CDH4: variants seen among roughly 807,000 people sequenced by gnomAD.
CDH4 encodes cadherin-4.
Under a neutral mutation model 86.0 loss-of-function variants are expected in CDH4, and 33 were observed. That is an observed-to-expected ratio of 0.38 (90% confidence interval 0.29 to 0.51). The LOEUF (loss-of-function observed/expected upper bound fraction) is 0.51, where lower values mean the gene tolerates loss of function less well. Ranked by LOEUF, CDH4 falls within the 20% of genes least tolerant of loss-of-function variation. The probability of loss-of-function intolerance (pLI) is 0.86; values close to 1 mark genes in which losing one functional copy is unlikely to be tolerated. For missense variants in CDH4, 1,114 were observed against 1,307.4 expected (o/e 0.85, Z 2.28); for synonymous variants, 555 against 549.4 (o/e 1.01, Z -0.14).
At chr20:61,487,698 C>T (rs1227239437) in intron 2 of CDH4, among the ~76,000 whole-genome samples, 1 of 152,190 alleles carries the variant, frequency 6.6e-6, no homozygotes, top group African/African-American at 2.4e-5. Context: ...AATTTTCCAG[C>T]TAGAAATCTA....
At chr20:61,771,039 T>C (rs901441853) in intron 3 of CDH4, among the ~76,000 whole-genome samples, 1 of 149,670 alleles carries the variant, frequency 6.7e-6, no homozygotes, top group Non-Finnish European at 1.5e-5. Flanking sequence ...AGACAGAGTT[T>C]CGCTCTTTTT....
At chr20:61,869,043 C>G (rs1364007052) in intron 6 of CDH4, among the ~76,000 whole-genome samples, 2 of 152,212 alleles carry the variant, frequency 1.3e-5, no homozygotes, top group Non-Finnish European at 1.5e-5. Flanking sequence ...TCAAGGAGCT[C>G]AACTTATTGA....
chr20:61,792,658 A>G (rs915216496), intron 4 of CDH4, among the ~76,000 whole-genome samples: 2 of 149,860 alleles, frequency 1.3e-5, no homozygotes. Flanking sequence ...GTGTGTGTGT[A>G]TTTTTTTTTG....
intron 2 of CDH4, among the ~76,000 whole-genome samples, chr20:61,330,332 C>G (rs1274160653): frequency 6.6e-6 from 1 of 152,142 alleles, no homozygotes; most frequent in Non-Finnish European, 1.5e-5. Context: ...ACACGCCCAC[C>G]AACAGTGTAA....
At chr20:61,423,751 C>T (rs1232190575) in intron 2 of CDH4, among the ~76,000 whole-genome samples, 2 of 152,124 alleles carry the variant, frequency 1.3e-5, no homozygotes, top group Admixed American at 6.5e-5. Context: ...TTCCTCAGGT[C>T]CTAATGAAAG....
intron 2 of CDH4, among the ~76,000 whole-genome samples, chr20:61,453,441 C>G (rs923942224): frequency 2.6e-5 from 4 of 152,150 alleles, no homozygotes; most frequent in African/African-American, 9.7e-5. Context: ...ACGGGACCCC[C>G]CTGAGCTTCT....
At chr20:61,936,306 C>T (rs1253041228) in intron 15 of CDH4, among the ~76,000 whole-genome samples, 2 of 100,280 alleles carry the variant, frequency 2.0e-5, no homozygotes, top group African/African-American at 8.1e-5. Context: ...CCCTATAAAC[C>T]CTCACAGCCC....
chr20:61,444,268 T>C (rs2085330765), intron 2 of CDH4, among the ~76,000 whole-genome samples: 1 of 151,098 alleles, frequency 6.6e-6, no homozygotes, highest in Admixed American at 6.6e-5. Context: ...TCTATGTGTG[T>C]GTGTGTATGT....
intron 8 of CDH4, 88 bp from the exon 9 acceptor site, chr20:61,910,334 C>A: frequency 1.7e-6 from 2 of 1,172,802 alleles, no homozygotes; most frequent in South Asian, 1.4e-5. Context: ...TGTGAACACT[C>A]GTTGAGCTGC....
chr20:61,781,638 T>C (rs562781043), intron 4 of CDH4, among the ~76,000 whole-genome samples: 222 of 152,278 alleles, frequency 1.5e-3, no homozygotes, highest in African/African-American at 4.9e-3. Flanking sequence ...CGGTGGCCAG[T>C]GGCCTAACAT....
chr20:61,686,619 ATC>A (rs917684081), intron 2 of CDH4, among the ~76,000 whole-genome samples: 2 of 139,940 alleles, frequency 1.4e-5, no homozygotes, highest in South Asian at 2.3e-4. Context: ...GCATGTGTGT[ATC>A]TGAGTGCACA....
At chr20:61,925,525 G>A (rs973122296) in intron 11 of CDH4, among the ~76,000 whole-genome samples, 44 of 152,212 alleles carry the variant, frequency 2.9e-4, no homozygotes, top group Admixed American at 4.6e-4. Context: ...TGCTGCGGCC[G>A]TGATGACTGC....
intron 2 of CDH4, among the ~76,000 whole-genome samples, chr20:61,283,323 C>T (rs13039737): frequency 9.0e-5 from 1 of 11,070 alleles, no homozygotes; most frequent in African/African-American, 2.4e-4. Context: ...TTTGCACGCG[C>T]GTGCTGTGGC....
At chr20:61,421,458 A>G (rs1160934991) in intron 2 of CDH4, among the ~76,000 whole-genome samples, 1 of 152,186 alleles carries the variant, frequency 6.6e-6, no homozygotes, top group Non-Finnish European at 1.5e-5. Flanking sequence ...TTGATAGGAA[A>G]TGCAAAACAG....
chr20:61,783,490 GC>G (rs1404172036), intron 4 of CDH4, among the ~76,000 whole-genome samples: 1 of 151,632 alleles, frequency 6.6e-6, no homozygotes. Flanking sequence ...GATGTCCTGT[GC>G]CCCCGAAAGA....
At chr20:61,857,487 C>G (rs980271631) in intron 6 of CDH4, among the ~76,000 whole-genome samples, 1 of 152,204 alleles carries the variant, frequency 6.6e-6, no homozygotes, top group East Asian at 1.9e-4. Context: ...CCTGAAATGA[C>G]GGGAGGGCCG....
chr20:61,718,403 G>A (rs2087989347), intron 2 of CDH4: 1 of 189,190 alleles, frequency 5.3e-6, no homozygotes, highest in Non-Finnish European at 1.1e-5. Flanking sequence ...ATTCAGGTGT[G>A]ATGAAAAGGA....
At position 61,697,115 on chromosome 20, in the gene CDH4, C is replaced by T. The variant is rs369674097; in HGVS notation, c.170-46448C>T. The stretch of plus-strand genomic sequence containing the variant: ...AATCAAGAATGTGTTGCAGCAGCCC[C>T]GGGAAGCTAACATAGGAGGCCCCAA... On this transcript the variant is annotated intron_variant, in intron 2 of 15. Coordinates refer to ENST00000614565, the MANE Select transcript of CDH4 (RefSeq NM_001794.5). 2.3e-3 allele frequency among the ~76,000 whole-genome samples: 352 copies of T among 152,228 alleles called. 9 individuals are homozygous for T. The South Asian group carries it at 0.025, about 11-fold the overall frequency.
chr20:61,295,677 CA>C (rs2084348073), intron 2 of CDH4, among the ~76,000 whole-genome samples: 1 of 152,164 alleles, frequency 6.6e-6, no homozygotes, highest in African/African-American at 2.4e-5. Flanking sequence ...GCCTGGTCAG[CA>C]GAGTGGCCTG....
Sources: gnomAD v4.1 joint callset for allele counts (sites outside exome capture counted in the v4.1 genomes callset) on GRCh38, gnomAD v4.1.1 for gene constraint, MANE v1.5 for transcripts, NCBI Gene and HGNC (gene_info 2026-07-23, HGNC 2026-07-21) for gene names.